ADAMTSL1: variants seen among roughly 807,000 people sequenced by gnomAD.
The protein encoded by ADAMTSL1 is ADAMTS like 1.
In ADAMTSL1, 126 loss-of-function variants were observed where a neutral mutation model predicts 201.8. The ratio of observed to expected loss-of-function variants is 0.62; its 90% CI spans 0.54 to 0.72. ADAMTSL1 has a LOEUF of 0.72. Among genes scored for constraint, ADAMTSL1 ranks in the 30% least tolerant of loss-of-function variants. The pLI is 0.00. For synonymous variants in ADAMTSL1, 1,121 were observed against 903.4 expected, an observed-to-expected ratio of 1.24 and a Z score of -4.32; for missense variants, 2,679 against 2,277.8, an observed-to-expected ratio of 1.18 and a Z score of -3.59.
chr9:18,142,988 T>G (rs1826465164), intron 1 of ADAMTSL1, among the ~76,000 whole-genome samples: 1 of 152,162 alleles, frequency 6.6e-6, no homozygotes, highest in Non-Finnish European at 1.5e-5. Context: ...AGTCTGGGTT[T>G]TGGAATCCAG....
At chr9:18,286,428 G>A (rs1180269285) in intron 2 of ADAMTSL1, among the ~76,000 whole-genome samples, 1 of 152,038 alleles carries the variant, frequency 6.6e-6, no homozygotes, top group Non-Finnish European at 1.5e-5. Flanking sequence ...AAAGATACTT[G>A]ACTAGTTAGC....
At chr9:18,652,778 TAAG>T (rs1828378274) in intron 7 of ADAMTSL1, among the ~76,000 whole-genome samples, 1 of 152,210 alleles carries the variant, frequency 6.6e-6, no homozygotes, top group Non-Finnish European at 1.5e-5. Flanking sequence ...AACCCCATTG[TAAG>T]TTGAGGAGCA....
At chr9:18,710,325 G>A (rs1832487077) in intron 14 of ADAMTSL1, among the ~76,000 whole-genome samples, 1 of 152,154 alleles carries the variant, frequency 6.6e-6, no homozygotes, top group South Asian at 2.1e-4. Flanking sequence ...CCTTAATTAT[G>A]ACAGAACTTC....
At chr9:18,213,853 C>T (rs1829969369) in intron 2 of ADAMTSL1, among the ~76,000 whole-genome samples, 1 of 152,110 alleles carries the variant, frequency 6.6e-6, no homozygotes, top group African/African-American at 2.4e-5. Flanking sequence ...AATTCCCCTG[C>T]CTCAGCCTCC....
At chr9:18,444,533 C>G (rs1164524714) in intron 2 of ADAMTSL1, among the ~76,000 whole-genome samples, 1 of 152,018 alleles carries the variant, frequency 6.6e-6, no homozygotes, top group Non-Finnish European at 1.5e-5. Flanking sequence ...TGAATTTTAG[C>G]CTATAAGGAT....
At chr9:18,888,417 C>T (rs1829038705) in intron 24 of ADAMTSL1, among the ~76,000 whole-genome samples, 1 of 152,260 alleles carries the variant, frequency 6.6e-6, no homozygotes, top group South Asian at 2.1e-4. Flanking sequence ...TGGTTACTGC[C>T]TCCTGCCTGG....
At chr9:18,714,617 A>G (rs930403115) in intron 14 of ADAMTSL1, among the ~76,000 whole-genome samples, 1 of 143,684 alleles carries the variant, frequency 7.0e-6, no homozygotes, top group African/African-American at 2.5e-5. Flanking sequence ...TAGCTTACCA[A>G]CCAAAAAGAG....
intron 1 of ADAMTSL1, among the ~76,000 whole-genome samples, chr9:18,114,077 A>T (rs1012537269): frequency 6.6e-6 from 1 of 152,150 alleles, no homozygotes; most frequent in Non-Finnish European, 1.5e-5. Context: ...AAATATGAGG[A>T]AAAGGGTAGA....
intron 1 of ADAMTSL1, among the ~76,000 whole-genome samples, chr9:18,014,663 C>G (rs1483182632): frequency 1.3e-5 from 2 of 152,008 alleles, no homozygotes; most frequent in Non-Finnish European, 2.9e-5. Flanking sequence ...GGTTTCAAAG[C>G]AAAGTTGTTA....
At chr9:18,133,505 G>C (rs1477201774) in intron 1 of ADAMTSL1, among the ~76,000 whole-genome samples, 18 of 152,146 alleles carry the variant, frequency 1.2e-4, no homozygotes. Flanking sequence ...TATTAAACTA[G>C]TGATTTTCAG....
At chr9:17,922,536 C>A (rs923599474) in intron 1 of ADAMTSL1, among the ~76,000 whole-genome samples, 7 of 152,178 alleles carry the variant, frequency 4.6e-5, no homozygotes, top group Non-Finnish European at 1.0e-4. Context: ...CATTCCCACC[C>A]TTCCCCCTCA....
chr9:18,741,356 C>T (rs761919015), intron 15 of ADAMTSL1, among the ~76,000 whole-genome samples: 15 of 151,926 alleles, frequency 9.9e-5, no homozygotes, highest in Non-Finnish European at 1.9e-4. Context: ...GTCTGTAAGA[C>T]TGCAAAGACA....
intron 13 of ADAMTSL1, among the ~76,000 whole-genome samples, chr9:18,703,697 CATACATAT>C (rs1266073170): frequency 3.2e-5 from 1 of 31,018 alleles, no homozygotes; most frequent in East Asian, 6.0e-4. Context: ...TGCATGCGCA[CATACATAT>C]ATATATATAT....
intron 1 of ADAMTSL1, among the ~76,000 whole-genome samples, chr9:18,163,375 G>A (rs1437524457): frequency 6.6e-6 from 1 of 151,968 alleles, no homozygotes; most frequent in Non-Finnish European, 1.5e-5. Context: ...AGTACATCTG[G>A]TTCTAAAGCA....
chr9:17,942,961 A>G (rs1234735411), intron 1 of ADAMTSL1, among the ~76,000 whole-genome samples: 3 of 152,156 alleles, frequency 2.0e-5, no homozygotes, highest in Admixed American at 6.6e-5. Context: ...TCATTGTGTC[A>G]TCTAGGCTGG....
intron 1 of ADAMTSL1, among the ~76,000 whole-genome samples, chr9:17,998,870 A>G (rs1426002743): frequency 6.6e-6 from 1 of 152,064 alleles, no homozygotes; most frequent in African/African-American, 2.4e-5. Flanking sequence ...GACAACAGAA[A>G]TCAAGCATAT....
intron 2 of ADAMTSL1, among the ~76,000 whole-genome samples, chr9:18,527,245 C>G (rs1258686823): frequency 1.3e-5 from 2 of 152,198 alleles, no homozygotes; most frequent in African/African-American, 2.4e-5. Context: ...CCCATTCTTG[C>G]TTAGCAACAT....
chr9:18,333,668 C>G (rs769355647), intron 2 of ADAMTSL1, among the ~76,000 whole-genome samples: 42 of 152,100 alleles, frequency 2.8e-4, no homozygotes, highest in Non-Finnish European at 4.7e-4. Flanking sequence ...TAACTGAGTA[C>G]AATATTTGGT....
At chr9:18,336,275 A>G (rs1488185876) in intron 2 of ADAMTSL1, among the ~76,000 whole-genome samples, 1 of 150,496 alleles carries the variant, frequency 6.6e-6, no homozygotes. Flanking sequence ...TATGTTCCTT[A>G]AACATTTTGC....
Sources: allele counts gnomAD v4.1 joint callset (sites outside exome capture counted in the v4.1 genomes callset), GRCh38; gene constraint gnomAD v4.1.1; transcripts MANE v1.5; gene names NCBI Gene and HGNC (gene_info 2026-07-23, HGNC 2026-07-21).